Variants in C1orf53 observed in about 807,000 individuals in gnomAD.
C1orf53 encodes the protein uncharacterized protein C1orf53.
In C1orf53, 23 loss-of-function variants were observed where a neutral mutation model predicts 17.5. The observed-to-expected ratio is 1.31, with a 90% CI of 0.94 to 1.86. The LOEUF is 1.86. C1orf53 is among the 40% of genes most tolerant of loss of function. The pLI is 0.00. For synonymous variants in C1orf53, 108 were observed against 81.9 expected (o/e 1.32, Z -1.72); for missense variants, 255 against 193.2 (o/e 1.32, Z -1.89).
chr1:197,906,498 T>A (rs1659526214), intron 2 of C1orf53, among the ~76,000 whole-genome samples: 1 of 152,080 alleles, frequency 6.6e-6, no homozygotes. Flanking sequence ...ATACTGCATG[T>A]AGTGCCTGTA....
rs760091765 is a variant in C1orf53, at chr1:197,905,873, A to T, written c.342A>T (p.Glu114Asp). Residue 114 changes from glutamate (E) to aspartate (D), a missense_variant, in exon 2 of 3, where the codon GAA becomes GAT. Transcript: ENST00000367393. Reference sequence around the variant, plus strand: ...AGATTGCCCACTTGCAAAGAGGTGAATGTTGTGGCTCTGCGTGCAGACATG... The same window carrying T: ...AGATTGCCCACTTGCAAAGAGGTGATTGTTGTGGCTCTGCGTGCAGACATG... Reference protein sequence around the residue: ...LTQIAHLQRGECCGSACRHCP... With the variant: ...LTQIAHLQRGDCCGSACRHCP... The T allele has an allele frequency of 6.2e-7, 1 of 1,613,852 alleles. No homozygotes were observed.
intron 2 of C1orf53, 106 bp downstream of exon 2, chr1:197,906,003 G>C (rs1369544500): frequency 2.0e-5 from 17 of 852,594 alleles, no homozygotes; most frequent in Non-Finnish European, 3.1e-5. Flanking sequence ...AATAGACCTG[G>C]AGTGAACTTT....
intron 1 of C1orf53, among the ~76,000 whole-genome samples, chr1:197,903,364 T>C (rs1659471185): frequency 6.6e-6 from 1 of 152,210 alleles, no homozygotes; most frequent in South Asian, 2.1e-4. Flanking sequence ...CATTGACACA[T>C]TTATTTTAAT....
chr1:197,904,950 G>A (rs1391173428), intron 1 of C1orf53, among the ~76,000 whole-genome samples: 2 of 151,996 alleles, frequency 1.3e-5, no homozygotes, highest in Non-Finnish European at 2.9e-5. Flanking sequence ...GTTACTGCGT[G>A]GTAAAAAGGT....
chr1:197,904,786 T>G (rs1346379786), intron 1 of C1orf53, among the ~76,000 whole-genome samples: 1 of 152,206 alleles, frequency 6.6e-6, no homozygotes, highest in African/African-American at 2.4e-5. Context: ...TGAAACATAT[T>G]GGGTTAAAAC....
intron 1 of C1orf53, 99 bp downstream of exon 1, chr1:197,903,012 G>C: frequency 8.7e-7 from 1 of 1,155,864 alleles, no homozygotes; most frequent in Non-Finnish European, 1.1e-6. Flanking sequence ...CCGCCCGGCA[G>C]AGGCAAAGGT....
Position 197,902,898 on chromosome 1 carries a change from C to A in C1orf53, c.249C>A (p.His83Gln). ...TAAERQIAEL[H>Q]AAACAAGQLN... ...CGGAGCGACAGATCGCGGAGCTGCA[C>A]GCTGCCGCCTGCGCGGTGAGACTCC... is the stretch of plus-strand genomic sequence containing the variant. Residue 83 changes from histidine (H) to glutamine (Q), a missense_variant, in exon 1 of 3, where the codon CAC becomes CAA. Coordinates refer to ENST00000367393, the MANE Select transcript of C1orf53 (RefSeq NM_001024594.3). The A allele has an allele frequency of 2.0e-6, 3 of 1,478,330 alleles. No individual in the cohort carries two copies. The highest frequency in any genetic ancestry group is 3.0e-5 in the East Asian group (1 of 33,830). The allele number at this position is 1,478,330 out of a possible 1,614,324, so 91.6% of individuals were successfully genotyped here. A position where few individuals can be genotyped will look rare whatever the true frequency, so the allele number is the denominator to read the frequency against.
chr1:197,904,293 A>G (rs1415472541), intron 1 of C1orf53, among the ~76,000 whole-genome samples: 1 of 152,160 alleles, frequency 6.6e-6, no homozygotes, highest in Non-Finnish European at 1.5e-5. Context: ...GTCTGTGGCC[A>G]CCATTACGTG....
intron 1 of C1orf53, among the ~76,000 whole-genome samples, chr1:197,903,227 G>A (rs1659468847): frequency 6.6e-6 from 1 of 152,224 alleles, no homozygotes; most frequent in South Asian, 2.1e-4. Flanking sequence ...TTGCGGAAGG[G>A]GGTGTTAAGG....
At chr1:197,905,252 A>T (rs1045932122) in intron 1 of C1orf53, among the ~76,000 whole-genome samples, 1 of 152,244 alleles carries the variant, frequency 6.6e-6, no homozygotes, top group Non-Finnish European at 1.5e-5. Context: ...AGCAAAAAAA[A>T]AAATAGTATA....
chr1:197,907,289 G>C lies in C1orf53; in HGVS notation c.*69G>C, dbSNP rs1337071609. The C allele has an allele frequency of 1.7e-5, 14 of 823,498 alleles. No homozygotes were observed. The highest frequency in any genetic ancestry group is 2.6e-5 in the Admixed American group (1 of 38,688). The allele number at this position is 823,498 out of a possible 1,614,324, so 51.0% of individuals were successfully genotyped here. On this transcript the variant is annotated 3_prime_UTR_variant, in exon 3 of 3. Coordinates refer to ENST00000367393, the MANE Select transcript of C1orf53 (RefSeq NM_001024594.3). ...AAAAATAAAGCCCCAATTCAGAATT[G>C]CTGGATTATTAGTACTTGAACACTA...
intron 1 of C1orf53, among the ~76,000 whole-genome samples, chr1:197,904,808 T>C (rs1343342577): frequency 6.6e-6 from 1 of 152,196 alleles, no homozygotes; most frequent in Non-Finnish European, 1.5e-5. Context: ...TCAACCAGAA[T>C]AAAATATTCT....
rs756441463 is a variant in C1orf53, at chr1:197,902,816, C to A, written c.167C>A (p.Thr56Lys). 3.8e-6 allele frequency: 6 copies of A among 1,574,444 alleles called. No homozygotes were observed. The South Asian group carries it at 5.8e-5, about 15-fold the overall frequency. ...AACTGCGGCGGCTCCGCGCCCAGCACGCCCGGTAGGCCGGAGAGAGCGGCG... is the reference window on the plus strand; with the variant it reads ...AACTGCGGCGGCTCCGCGCCCAGCAAGCCCGGTAGGCCGGAGAGAGCGGCG... ...EGNCGGSAPS[T>K]PGRPERAARP... is the part of the protein sequence containing the mutation. The change falls in exon 1 of 3, where the codon ACG becomes AAG. Residue 56 changes from threonine (T) to lysine (K), a missense_variant. Physicochemically the swap from Thr to Lys is moderately conservative, Grantham distance 78 (BLOSUM62 -1). Transcript: ENST00000367393.
chr1:197,904,393 G>A (rs1288633894), intron 1 of C1orf53, among the ~76,000 whole-genome samples: 2 of 152,200 alleles, frequency 1.3e-5, no homozygotes, highest in Non-Finnish European at 2.9e-5. Flanking sequence ...TAGAGCAGGG[G>A]CATGCGCAGG....
At chr1:197,906,145 G>A (rs1013572215) in intron 2 of C1orf53, among the ~76,000 whole-genome samples, 17 of 152,174 alleles carry the variant, frequency 1.1e-4, no homozygotes, top group Non-Finnish European at 1.9e-4. Flanking sequence ...ATTCATGGGA[G>A]CTCTTTATTA....
In C1orf53 at chr1:197,902,799, C is replaced by G. The variant is rs201856686; in HGVS notation, c.150C>G (p.Gly50=). The part of the protein sequence containing the change: ...TLCPANEGNC[G]GSAPSTPGRP... ...GCCCTGCTAACGAGGGAAACTGCGG[C>G]GGCTCCGCGCCCAGCACGCCCGGTA... The change falls in exon 1 of 3, where the codon GGC becomes GGG. Residue 50 remains glycine, a synonymous_variant. Transcript: ENST00000367393. 11 of 1,579,516 alleles carry G rather than the reference C, an allele frequency of 7.0e-6. No homozygotes were observed. In the East Asian group the frequency reaches 2.6e-4, roughly 37 times the overall value.
chr1:197,904,310 A>G (rs2102582692), intron 1 of C1orf53, among the ~76,000 whole-genome samples: 1 of 152,282 alleles, frequency 6.6e-6, no homozygotes, highest in South Asian at 2.1e-4. Context: ...CGTGAGGCTC[A>G]TTTACTGAGG....
Position 197,902,720 on chromosome 1 carries a change from C to T in C1orf53, c.71C>T (p.Pro24Leu), listed in dbSNP as rs778369892. 1.9e-6 allele frequency: 3 copies of T among 1,549,002 alleles called. No individual in the cohort carries two copies. The highest frequency in any genetic ancestry group is 1.4e-5 in the African/African-American group (1 of 71,050). The change falls in exon 1 of 3, where the codon CCA (proline) becomes CTA (leucine). Residue 24 changes from proline (P) to leucine (L), a missense_variant. By Grantham distance (98) the Pro-to-Leu change is moderately conservative (BLOSUM62 -3). Coordinates refer to ENST00000367393, the MANE Select transcript of C1orf53 (RefSeq NM_001024594.3). Reference protein sequence around the residue: ...LCRQPSAAPPPAPLWVRAGFR... With the variant: ...LCRQPSAAPPLAPLWVRAGFR... ...AGGCAACCTTCCGCCGCCCCGCCGCCAGCACCTCTCTGGGTAAGAGCTGGG... is the reference window on the plus strand; with the variant it reads ...AGGCAACCTTCCGCCGCCCCGCCGCTAGCACCTCTCTGGGTAAGAGCTGGG...
Position 197,904,029 on chromosome 1 carries a change from T to C in C1orf53, c.264+1116T>C, listed in dbSNP as rs186105855. On this transcript the variant is annotated intron_variant, in intron 1 of 2. Coordinates refer to ENST00000367393, the MANE Select transcript of C1orf53 (RefSeq NM_001024594.3). ...TCAGTCTAGGGAAGGAAAGGAACTT[T>C]TTCTCACTCGGGAAATTCACATTTG... is the stretch of plus-strand genomic sequence containing the variant. 2.0e-5 allele frequency among the ~76,000 whole-genome samples: 3 copies of C among 152,358 alleles called. No individual in the cohort carries two copies. The East Asian group carries it at 5.8e-4, about 29-fold the overall frequency.
Sources: gnomAD v4.1 joint callset for allele counts (sites outside exome capture counted in the v4.1 genomes callset) on GRCh38, gnomAD v4.1.1 for gene constraint, MANE v1.5 for transcripts, NCBI Gene and HGNC (gene_info 2026-07-23, HGNC 2026-07-21) for gene names.